FAM184A: variants seen among roughly 807,000 people sequenced by gnomAD.
FAM184A encodes the protein protein FAM184A.
FAM184A carries 99 observed loss-of-function variants against 143.8 expected under a neutral mutation model. That is an observed-to-expected ratio of 0.69 (90% confidence interval 0.58 to 0.81). The LOEUF is 0.81. FAM184A is among the 40% of genes least tolerant of loss of function. The pLI, the probability that FAM184A is intolerant of heterozygous loss-of-function variation, is 0.00. For synonymous variants in FAM184A, 427 were observed against 446.4 expected (o/e 0.96, Z 0.55); for missense variants, 1,217 against 1,310.5 (o/e 0.93, Z 1.10).
intron 1 of FAM184A, among the ~76,000 whole-genome samples, chr6:119,069,839 T>C (rs1443556200): frequency 6.6e-6 from 1 of 152,150 alleles, no homozygotes; most frequent in African/African-American, 2.4e-5. Flanking sequence ...TCTCTAATAA[T>C]TTCGCATAAA....
chr6:119,130,597 A>C (rs1789509717), intron 1 of FAM184A, among the ~76,000 whole-genome samples: 1 of 152,228 alleles, frequency 6.6e-6, no homozygotes, highest in Non-Finnish European at 1.5e-5. Flanking sequence ...TGATATAAAA[A>C]AATTAGCAAT....
intron 1 of FAM184A, among the ~76,000 whole-genome samples, chr6:119,037,712 A>T (rs1312401263): frequency 6.6e-6 from 1 of 152,256 alleles, no homozygotes; most frequent in Non-Finnish European, 1.5e-5. Flanking sequence ...TTTGCTAAGC[A>T]TTGGCAAAGC....
chr6:119,109,718 C>T (rs982858118), intron 1 of FAM184A, among the ~76,000 whole-genome samples: 1 of 152,182 alleles, frequency 6.6e-6, no homozygotes, highest in African/African-American at 2.4e-5. Flanking sequence ...ATCTTAGAAA[C>T]TCAGCTCTGC....
intron 1 of FAM184A, among the ~76,000 whole-genome samples, chr6:119,114,293 A>G (rs915263750): frequency 6.6e-6 from 1 of 152,212 alleles, no homozygotes; most frequent in African/African-American, 2.4e-5. Context: ...TGATTTTCAG[A>G]CAAACAGCAA....
intron 9 of FAM184A, among the ~76,000 whole-genome samples, chr6:119,001,218 T>C (rs1784746529): frequency 6.6e-6 from 1 of 150,498 alleles, no homozygotes; most frequent in Non-Finnish European, 1.5e-5. Flanking sequence ...TTCTTAATTT[T>C]CTTCAGGCAT....
chr6:119,136,873 G>T lies in FAM184A; in HGVS notation c.-202+12205C>A, dbSNP rs1265656402. Among the ~76,000 whole-genome samples the T allele has an allele frequency of 2.6e-5, 4 of 152,142 alleles. No homozygotes were observed. In the South Asian group the frequency reaches 6.2e-4, roughly 24 times the overall value. On this transcript the variant is annotated intron_variant, in intron 1 of 16. Coordinates refer to the FAM184A transcript ENST00000352896. ...GCTACAGTAAGAGGGTTGACATGGT[G>T]CTGGGAGAAGTCTGGGATTGTCCAA...
intron 1 of FAM184A, among the ~76,000 whole-genome samples, chr6:119,102,447 A>C (rs6926091): frequency 6.6e-6 from 1 of 151,806 alleles, no homozygotes; most frequent in Non-Finnish European, 1.5e-5. Context: ...TTCAGTATGT[A>C]TCAGGAAAGC....
At position 118,975,211 on chromosome 6, in the gene FAM184A, G is replaced by T; in HGVS notation, c.2584-3C>A. On this transcript the variant is annotated splice_polypyrimidine_tract_variant and splice_region_variant and intron_variant, in intron 12 of 17. Transcript: ENST00000338891. ...ATTCTACATATGTGCTCCTTACTCT[G>T]TTAAAAAAAAAAAGTCATTTTTAGA... 5.5e-6 allele frequency: 8 copies of T among 1,458,492 alleles called. No individual in the cohort carries two copies. Among genetic ancestry groups the T allele is most frequent in the South Asian group, 1.4e-5 (1 of 71,496 alleles). The allele number at this position is 1,458,492 out of a possible 1,614,324, so 90.3% of individuals were successfully genotyped here. A position where few individuals can be genotyped will look rare whatever the true frequency, so the allele number is the denominator to read the frequency against.
chr6:119,045,348 A>G (rs1266799969), intron 1 of FAM184A, among the ~76,000 whole-genome samples: 2 of 147,402 alleles, frequency 1.4e-5, no homozygotes, highest in Non-Finnish European at 3.0e-5. Context: ...AAGAGACCCT[A>G]ATAGGAGCTA....
rs1258162435 is a variant in FAM184A, at chr6:119,003,639, T to A, written c.1816-17A>T. 1 of 1,589,666 alleles carries A rather than the reference T, an allele frequency of 6.3e-7. No individual in the cohort carries two copies. The highest frequency in any genetic ancestry group is 1.4e-5 in the African/African-American group (1 of 73,878). ...TAGCTCACCCTGAAGAATAAAAACT[T>A]TTCAATGAAGACTAAACTTCAAAAA... is the stretch of plus-strand genomic sequence containing the variant. On this transcript the variant is annotated splice_polypyrimidine_tract_variant and intron_variant, in intron 7 of 17. Transcript: ENST00000338891.
At chr6:119,006,255 T>C (rs1582494344) in intron 7 of FAM184A, 192 bp downstream of exon 7, 6 of 757,914 alleles carry the variant, frequency 7.9e-6, no homozygotes, top group East Asian at 2.5e-5. Context: ...GTTGGACTTC[T>C]AGCCTCCAGA....
At chr6:118,965,629 T>C (rs1466015575) in intron 15 of FAM184A, among the ~76,000 whole-genome samples, 1 of 152,182 alleles carries the variant, frequency 6.6e-6, no homozygotes, top group Non-Finnish European at 1.5e-5. Flanking sequence ...TAGTCACCAC[T>C]GTCATTCAAA....
chr6:119,039,422 G>A (rs1159837517), intron 1 of FAM184A, among the ~76,000 whole-genome samples: 5 of 152,194 alleles, frequency 3.3e-5, no homozygotes, highest in African/African-American at 4.8e-5. Context: ...TGATCCAGAC[G>A]ATGGAATATT....
intron 1 of FAM184A, among the ~76,000 whole-genome samples, chr6:119,144,846 T>C (rs1772370854): frequency 6.6e-6 from 1 of 152,226 alleles, no homozygotes; most frequent in South Asian, 2.1e-4. Flanking sequence ...CTATTTTGTT[T>C]GCACCCCTGC....
At chr6:119,032,254 A>G (rs1785900138) in intron 1 of FAM184A, among the ~76,000 whole-genome samples, 1 of 152,046 alleles carries the variant, frequency 6.6e-6, no homozygotes, top group Non-Finnish European at 1.5e-5. Context: ...CCTGGGCAAC[A>G]AAGTAACTCT....
At chr6:119,080,648 A>AT (rs1452426028), upstream of FAM184A, among the ~76,000 whole-genome samples, 2 of 152,172 alleles carry the variant, frequency 1.3e-5, no homozygotes, top group East Asian at 3.8e-4. Context: ...GAATATTTGC[A>AT]TTATACTTAC....
chr6:119,077,087 CTT>C (rs1787899756), intron 1 of FAM184A, among the ~76,000 whole-genome samples: 1 of 152,116 alleles, frequency 6.6e-6, no homozygotes, highest in Non-Finnish European at 1.5e-5. Flanking sequence ...TTTTTATTCT[CTT>C]TTCAACCTTT....
At chr6:118,976,624 A>G (rs1783855803) in intron 11 of FAM184A, among the ~76,000 whole-genome samples, 1 of 151,720 alleles carries the variant, frequency 6.6e-6, no homozygotes, top group African/African-American at 2.4e-5. Flanking sequence ...AGATCACGCC[A>G]TTGCACTCCA....
At chr6:118,964,306 T>G (rs1783426603) in intron 16 of FAM184A, among the ~76,000 whole-genome samples, 1 of 152,174 alleles carries the variant, frequency 6.6e-6, no homozygotes, top group South Asian at 2.1e-4. Context: ...CAGGAACAGC[T>G]GTTGGGTATC....
Sources: gnomAD v4.1 joint callset for allele counts (sites outside exome capture counted in the v4.1 genomes callset) on GRCh38, gnomAD v4.1.1 for gene constraint, MANE v1.5 for transcripts, NCBI Gene and HGNC (gene_info 2026-07-23, HGNC 2026-07-21) for gene names.